XPOT: variants seen among roughly 807,000 people sequenced by gnomAD.
XPOT encodes exportin-T.
A neutral mutation model predicts 128.2 loss-of-function variants in XPOT; 34 were observed. The ratio of observed to expected loss-of-function variants is 0.27; its 90% CI spans 0.20 to 0.35. XPOT has a LOEUF of 0.35. XPOT is among the 10% of genes least tolerant of loss of function. XPOT has a pLI of 1.00. For synonymous variants in XPOT, 348 were observed against 394.3 expected (o/e 0.88, Z 1.39); for missense variants, 838 against 1,125.3 (o/e 0.74, Z 3.65).
rs557959103 is a variant in XPOT, at chr12:64,450,784, A to C, written c.*2653A>C. 5.3e-5 allele frequency: 8 copies of C among 152,358 alleles called. No homozygotes were observed. Among genetic ancestry groups the C allele is most frequent in the Non-Finnish European group, 1.2e-4 (8 of 68,036 alleles). The allele number at this position is 152,358 out of a possible 1,614,324, so 9.4% of individuals were successfully genotyped here. ...TGTTTGACTTGACTAGGGAACCACA[A>C]GTTTTCATATAATGCCTGATTTAGC... On this transcript the variant is annotated 3_prime_UTR_variant, in exon 25 of 25. Transcript: ENST00000332707.
At chr12:64,438,785 G>A (rs191017177) in intron 22 of XPOT, among the ~76,000 whole-genome samples, 6 of 151,988 alleles carry the variant, frequency 3.9e-5, no homozygotes, top group Admixed American at 1.3e-4. Flanking sequence ...GCGCCATGAT[G>A]CCCAGCTAAT....
rs777230988 is a variant in XPOT at position 64,433,647 on chromosome 12, T to G, written c.2452+44T>G. On this transcript the variant is annotated intron_variant, in intron 19 of 24. Transcript: ENST00000332707. ...TCTAATTTGTCTGCTTAAGTCTGTG[T>G]CACTGTTGTACATCTATATGACCAA... is the stretch of plus-strand genomic sequence containing the variant. 7.2e-5 allele frequency: 111 copies of G among 1,532,010 alleles called. 2 individuals carry two copies. In the South Asian group the frequency reaches 1.4e-3, roughly 19 times the overall value. The allele number at this position is 1,532,010 out of a possible 1,614,324, so 94.9% of individuals were successfully genotyped here. A position where few individuals can be genotyped will look rare whatever the true frequency, so the allele number is the denominator to read the frequency against.
chr12:64,421,620 T>G, intron 9 of XPOT, 149 bp downstream of exon 9: 1 of 525,332 alleles, frequency 1.9e-6, no homozygotes. Context: ...ATTTCCATCT[T>G]AAAAAAAAAA....
chr12:64,430,093 T>C lies in XPOT; in HGVS notation c.1782T>C (p.Phe594=). ...TACTGAGCAGCGATGATCAACTTTT[T>C]ATTTATGAGACAGCTGGAGTGCTGA... ...QSLLSSDDQL[F]IYETAGVLIV... is the part of the protein sequence containing the mutation. The change falls in exon 17 of 25, where the codon TTT becomes TTC. Residue 594 remains phenylalanine, a synonymous_variant. Coordinates refer to ENST00000332707, the MANE Select transcript of XPOT (RefSeq NM_007235.6). 10 of 1,612,588 alleles carry C rather than the reference T, an allele frequency of 6.2e-6. No individual in the cohort carries two copies. The highest frequency in any genetic ancestry group is 8.5e-6 in the Non-Finnish European group (10 of 1,179,488).
At position 64,434,517 on chromosome 12, in the gene XPOT, T is replaced by C. The variant is rs368620923; in HGVS notation, c.2463T>C (p.Asn821=). The change falls in exon 20 of 25, where the codon AAT becomes AAC. Residue 821 remains asparagine, a synonymous_variant. Coordinates refer to ENST00000332707, the MANE Select transcript of XPOT (RefSeq NM_007235.6). ...SEVIANQGAE[N]VERVLVTVIQ... The stretch of plus-strand genomic sequence containing the variant: ...GGTTTTTCTCCTCAGGTGCAGAGAA[T>C]GTAGAAAGAGTGTTGGTTACTGTTA... 2.5e-6 allele frequency: 4 copies of C among 1,612,878 alleles called. No homozygotes were observed. The highest frequency in any genetic ancestry group is 3.4e-6 in the Non-Finnish European group (4 of 1,179,034).
intron 15 of XPOT, among the ~76,000 whole-genome samples, chr12:64,426,525 C>T (rs1031642771): frequency 6.6e-6 from 1 of 152,086 alleles, no homozygotes; most frequent in Admixed American, 6.5e-5. Context: ...GAACAAAAGA[C>T]ACTTGGGACT....
chr12:64,415,728 C>A (rs1359404492), intron 3 of XPOT, among the ~76,000 whole-genome samples: 1 of 152,042 alleles, frequency 6.6e-6, no homozygotes, highest in African/African-American at 2.4e-5. Context: ...ATTCGGTGAC[C>A]AATCTTTTAA....
chr12:64,431,634 C>T lies in XPOT; in HGVS notation c.2073C>T (p.Leu691=), dbSNP rs747431111. 4.3e-6 allele frequency: 7 copies of T among 1,613,942 alleles called. No individual in the cohort carries two copies. The highest frequency in any genetic ancestry group is 4.5e-5 in the East Asian group (2 of 44,874). Reference sequence around the variant, plus strand: ...GTTTACAGACATTCTTGCCAGCCCTCAGTTGTCCCTTACAAAAGGATATTC... The same window carrying T: ...GTTTACAGACATTCTTGCCAGCCCTTAGTTGTCCCTTACAAAAGGATATTC... ...LDCLQTFLPA[L]SCPLQKDILR... Residue 691 remains leucine (L), a synonymous_variant, in exon 18 of 25, where the codon CTC becomes CTT. Transcript: ENST00000332707.
chr12:64,430,255 A>C lies in XPOT; in HGVS notation c.1944A>C (p.Ala648=), dbSNP rs1248048580. 5.0e-6 allele frequency: 8 copies of C among 1,605,828 alleles called. No homozygotes were observed. Among genetic ancestry groups the C allele is most frequent in the Non-Finnish European group, 6.8e-6 (8 of 1,176,824 alleles). Residue 648 remains alanine (A), a synonymous_variant, in exon 17 of 25, where the codon GCA becomes GCC. Transcript: ENST00000332707. ...ATGAAGAAAGGCAAGCCTCTCTAGC[A>C]GACTGTCTTAACCATGCTGTTGGAT... is the stretch of plus-strand genomic sequence containing the variant. The part of the protein sequence containing the change: ...AQDEERQASL[A]DCLNHAVGFA...
At chr12:64,407,841 G>C (rs1379147841) in intron 1 of XPOT, among the ~76,000 whole-genome samples, 1 of 152,178 alleles carries the variant, frequency 6.6e-6, no homozygotes, top group Admixed American at 6.5e-5. Flanking sequence ...AAGTCTGCAA[G>C]TACGTTATGA....
At chr12:64,432,302 GT>G (rs1241019777) in intron 18 of XPOT, among the ~76,000 whole-genome samples, 1 of 151,716 alleles carries the variant, frequency 6.6e-6, no homozygotes, top group African/African-American at 2.4e-5. Context: ...CTGGAGTGCA[GT>G]GGCGCGGTCA....
In XPOT at chr12:64,450,009, G is replaced by A. The variant is rs1198718223; in HGVS notation, c.*1878G>A. On this transcript the variant is annotated 3_prime_UTR_variant, in exon 25 of 25. Transcript: ENST00000332707. ...CCCTATTTGTAAAATGGAAATAATG[G>A]TAGCTACCTCAAACCTCATTACGAA... The A allele has an allele frequency of 6.6e-6, 1 of 152,122 alleles. No homozygotes were observed. The highest frequency in any genetic ancestry group is 2.4e-5 in the African/African-American group (1 of 41,424). 9.4% of individuals were successfully genotyped at this position (152,122 alleles called of 1,614,324 possible). A position where few individuals can be genotyped will look rare whatever the true frequency, so the allele number is the denominator to read the frequency against.
At chr12:64,433,373 T>A (rs1209519027) in intron 18 of XPOT, 41 bp from the exon 19 acceptor site, 3 of 1,491,868 alleles carry the variant, frequency 2.0e-6, no homozygotes, top group Non-Finnish European at 9.0e-7. Flanking sequence ...TGTATGTTAA[T>A]ATTGTTACTA....
At chr12:64,408,437 C>G (rs1452097809) in intron 1 of XPOT, among the ~76,000 whole-genome samples, 2 of 152,136 alleles carry the variant, frequency 1.3e-5, no homozygotes, top group East Asian at 1.9e-4. Flanking sequence ...AGTAGTAAGA[C>G]TTGGTCTCCC....
intron 15 of XPOT, 46 bp downstream of exon 15, chr12:64,425,955 A>G: frequency 6.6e-7 from 1 of 1,525,382 alleles, no homozygotes. Context: ...TTTTTAAGTT[A>G]CTGGATAGAT....
intron 21 of XPOT, 57 bp from the exon 22 acceptor site, chr12:64,435,570 G>T: frequency 6.8e-7 from 1 of 1,469,152 alleles, no homozygotes; most frequent in Non-Finnish European, 9.2e-7. Flanking sequence ...AAAGAGAAGA[G>T]CTGGATCACT....
chr12:64,423,113 T>G, intron 10 of XPOT, 69 bp from the exon 11 acceptor site: 1 of 1,596,730 alleles, frequency 6.3e-7, no homozygotes, highest in Non-Finnish European at 8.5e-7. Flanking sequence ...GAAATGTAGC[T>G]TAATTTCAAA....
chr12:64,417,324 G>A (rs540142937), intron 4 of XPOT, among the ~76,000 whole-genome samples: 23 of 152,294 alleles, frequency 1.5e-4, no homozygotes, highest in African/African-American at 5.5e-4. Flanking sequence ...CAAGAGGATC[G>A]TTTGAGCTCA....
At chr12:64,422,688 C>T (rs537965076) in intron 9 of XPOT, among the ~76,000 whole-genome samples, 84 of 152,154 alleles carry the variant, frequency 5.5e-4, no homozygotes, top group Admixed American at 1.0e-3. Flanking sequence ...TGTTTGAGGC[C>T]AGGAGTTTGA....
Sources: gnomAD v4.1 joint callset for allele counts (sites outside exome capture counted in the v4.1 genomes callset) on GRCh38, gnomAD v4.1.1 for gene constraint, MANE v1.5 for transcripts, NCBI Gene and HGNC (gene_info 2026-07-23, HGNC 2026-07-21) for gene names.